TENM3: variants seen among roughly 807,000 people sequenced by gnomAD.
TENM3 encodes teneurin-3.
In TENM3, 63 loss-of-function variants were observed where a neutral mutation model predicts 255.1. The ratio of observed to expected loss-of-function variants is 0.25; its 90% CI spans 0.20 to 0.30. The LOEUF (loss-of-function observed/expected upper bound fraction) is 0.30, where lower values mean the gene tolerates loss of function less well. TENM3 is among the 10% of genes least tolerant of loss of function. The pLI is 1.00. For synonymous variants in TENM3, 1,306 were observed against 1,322.3 expected, an observed-to-expected ratio of 0.99 and a Z score of 0.27; for missense variants, 2,929 against 3,461.1, an observed-to-expected ratio of 0.85 and a Z score of 3.86.
intron 2 of TENM3, among the ~76,000 whole-genome samples, chr4:182,331,633 C>T (rs1247242799): frequency 2.0e-5 from 3 of 151,992 alleles, no homozygotes; most frequent in African/African-American, 7.3e-5. Context: ...AAGACATACA[C>T]TTAAAATGGT....
At chr4:181,594,888 A>C in the TENM3 span, among the ~76,000 whole-genome samples, 1 of 152,048 alleles carries the variant, frequency 6.6e-6, no homozygotes, top group East Asian at 1.9e-4. Flanking sequence ...TTGTCCTAAC[A>C]CCCTCCAAGT....
the TENM3 span, among the ~76,000 whole-genome samples, chr4:181,864,694 G>T: frequency 4.6e-5 from 7 of 152,104 alleles, no homozygotes; most frequent in African/African-American, 1.7e-4. Context: ...ACAAGCTGAT[G>T]GGTTAAACCG....
intron 22 of TENM3, among the ~76,000 whole-genome samples, chr4:182,767,804 GA>G (rs941448517): frequency 3.3e-5 from 5 of 152,182 alleles, no homozygotes; most frequent in African/African-American, 7.2e-5. Flanking sequence ...CCCTGAGGAA[GA>G]CCCGAGGAAG....
chr4:182,584,321 T>G (rs1745795603), intron 3 of TENM3, among the ~76,000 whole-genome samples: 3 of 152,216 alleles, frequency 2.0e-5, no homozygotes, highest in Admixed American at 2.0e-4. Context: ...AAGACATCTA[T>G]CTTAATCAGA....
the TENM3 span, among the ~76,000 whole-genome samples, chr4:181,532,828 TG>T: frequency 9.8e-5 from 15 of 152,366 alleles, no homozygotes; most frequent in African/African-American, 3.6e-4. Context: ...TGATATTGTT[TG>T]TTTCATTTAT....
At chr4:181,697,362 C>T in the TENM3 span, among the ~76,000 whole-genome samples, 65,241 of 152,048 alleles carry the variant, frequency 0.43, 16,463 homozygotes, top group Non-Finnish European at 0.57. Context: ...GTGTTTCTTC[C>T]ATTTCCTGGT....
chr4:182,542,929 C>T (rs1013826995), intron 3 of TENM3, among the ~76,000 whole-genome samples: 9 of 152,082 alleles, frequency 5.9e-5, no homozygotes, highest in African/African-American at 1.7e-4. Context: ...GAAGAACACA[C>T]GGGTTAAAGA....
At chr4:182,727,914 G>A (rs1434572620) in intron 13 of TENM3, among the ~76,000 whole-genome samples, 1 of 148,146 alleles carries the variant, frequency 6.8e-6, no homozygotes, top group Admixed American at 6.8e-5. Flanking sequence ...AGGCTGGAGT[G>A]CAGTGGTACG....
intron 1 of TENM3, among the ~76,000 whole-genome samples, chr4:182,275,745 T>C (rs1225317464): frequency 6.6e-6 from 1 of 152,092 alleles, no homozygotes; most frequent in Admixed American, 6.5e-5. Flanking sequence ...GAGACCAGCC[T>C]GGGCAGCATA....
the TENM3 span, among the ~76,000 whole-genome samples, chr4:182,060,452 T>C: frequency 1.3e-5 from 2 of 152,012 alleles, no homozygotes; most frequent in Non-Finnish European, 2.9e-5. Flanking sequence ...CAGTTCACAA[T>C]AGGATTCACG....
At chr4:182,018,753 T>C in the TENM3 span, among the ~76,000 whole-genome samples, 1 of 152,200 alleles carries the variant, frequency 6.6e-6, no homozygotes, top group South Asian at 2.1e-4. Flanking sequence ...GAAATCATAT[T>C]TTACTGCATA....
At chr4:181,990,232 T>G in the TENM3 span, among the ~76,000 whole-genome samples, 1 of 152,122 alleles carries the variant, frequency 6.6e-6, no homozygotes, top group Admixed American at 6.6e-5. Flanking sequence ...AGAAGACATA[T>G]AAGTATTCTT....
chr4:181,647,919 G>T, the TENM3 span, among the ~76,000 whole-genome samples: 5 of 152,176 alleles, frequency 3.3e-5, no homozygotes, highest in South Asian at 1.0e-3. Flanking sequence ...TCAAACCTTT[G>T]GGGGAGGTTT....
At chr4:181,686,473 A>G in the TENM3 span, among the ~76,000 whole-genome samples, 1 of 152,040 alleles carries the variant, frequency 6.6e-6, no homozygotes, top group African/African-American at 2.4e-5. Context: ...TTTTTAACAT[A>G]AAGGACGAAA....
chr4:182,723,041 A>G (rs1176123606), intron 13 of TENM3, among the ~76,000 whole-genome samples: 2 of 152,216 alleles, frequency 1.3e-5, no homozygotes, highest in Non-Finnish European at 2.9e-5. Context: ...GATCATATAC[A>G]GACATGTTAA....
chr4:181,526,886 C>T, the TENM3 span, among the ~76,000 whole-genome samples: 1 of 152,182 alleles, frequency 6.6e-6, no homozygotes, highest in African/African-American at 2.4e-5. Context: ...TGTCTGTGAC[C>T]TCTCTTTCGA....
the TENM3 span, among the ~76,000 whole-genome samples, chr4:181,723,866 T>A: frequency 1.3e-5 from 2 of 152,200 alleles, no homozygotes. Flanking sequence ...GAAAAGAACA[T>A]TTTTTATTAG....
intron 3 of TENM3, among the ~76,000 whole-genome samples, chr4:182,504,024 T>C (rs1736575621): frequency 6.6e-6 from 1 of 151,922 alleles, no homozygotes; most frequent in Non-Finnish European, 1.5e-5. Context: ...TATATATTTT[T>C]ATTTTATTTA....
chr4:181,860,319 C>T, the TENM3 span, among the ~76,000 whole-genome samples: 1 of 152,170 alleles, frequency 6.6e-6, no homozygotes, highest in Non-Finnish European at 1.5e-5. Flanking sequence ...TCTCCGCCCT[C>T]CCAGTTGGCT....
Sources: allele counts gnomAD v4.1 joint callset (sites outside exome capture counted in the v4.1 genomes callset), GRCh38; gene constraint gnomAD v4.1.1; transcripts MANE v1.5; gene names NCBI Gene and HGNC (gene_info 2026-07-23, HGNC 2026-07-21).